The following IL34 variants were observed in gnomAD, a reference collection of about 807,000 sequenced individuals.
IL34 encodes the protein interleukin-34.
A neutral mutation model predicts 25.3 loss-of-function variants in IL34; 17 were observed. The ratio of observed to expected loss-of-function variants is 0.67; its 90% CI spans 0.46 to 1.01. IL34 has a LOEUF of 1.01. Among genes scored for constraint, IL34 ranks in the 50% least tolerant of loss-of-function variants. IL34 has a pLI of 0.00. For synonymous variants in IL34, 174 were observed against 140.9 expected, an observed-to-expected ratio of 1.23 and a Z score of -1.66; for missense variants, 368 against 312.9, an observed-to-expected ratio of 1.18 and a Z score of -1.33.
At chr16:70,656,316 C>T (rs142311129) in intron 2 of IL34, among the ~76,000 whole-genome samples, 1,551 of 152,192 alleles carry the variant, frequency 0.01, 34 homozygotes, top group African/African-American at 0.036. Flanking sequence ...GCCCGGGATT[C>T]AAGACCAGCC....
chr16:70,592,978 A>C lies in IL34; in HGVS notation c.-401+12929A>C, dbSNP rs150694596. Among the ~76,000 whole-genome samples, 14 of 152,124 alleles carry C rather than the reference A, an allele frequency of 9.2e-5. No individual in the cohort carries two copies. In the East Asian group the frequency reaches 2.7e-3, roughly 29 times the overall value. On this transcript the variant is annotated intron_variant, in intron 1 of 6. Coordinates refer to the IL34 transcript ENST00000429149. Reference sequence around the variant, plus strand: ...TATTTTTTAAATTTTTCTTAAAAACACAGTTTTATTCTTTTTCTTTTTTTA... The same window carrying C: ...TATTTTTTAAATTTTTCTTAAAAACCCAGTTTTATTCTTTTTCTTTTTTTA...
At chr16:70,658,801 T>C (rs1597783848) in intron 4 of IL34, among the ~76,000 whole-genome samples, 1 of 152,300 alleles carries the variant, frequency 6.6e-6, no homozygotes, top group East Asian at 1.9e-4. Flanking sequence ...TCTGCCCTGT[T>C]TCCATGTCTG....
At chr16:70,659,801 C>G (rs552168262) in intron 5 of IL34, 48 bp downstream of exon 5, 2 of 1,568,618 alleles carry the variant, frequency 1.3e-6, no homozygotes, top group Non-Finnish European at 1.7e-6. Flanking sequence ...GGCCAGGCAT[C>G]TGGGCCCACC....
intron 1 of IL34, among the ~76,000 whole-genome samples, chr16:70,652,439 G>A (rs2052104224): frequency 6.6e-6 from 1 of 152,310 alleles, no homozygotes; most frequent in African/African-American, 2.4e-5. Context: ...CTGCCTGGGC[G>A]ACAGAGCAAG....
chr16:70,628,497 T>TTTA lies in IL34; in HGVS notation c.-400-18049_-400-18048insATT, dbSNP rs57128087. Among the ~76,000 whole-genome samples the TTTA allele has an allele frequency of 4.1e-3, 614 of 149,430 alleles. 3 individuals carry two copies. Among genetic ancestry groups the TTTA allele is most frequent in the African/African-American group, 0.011 (426 of 39,942 alleles). ...TATTTATTTATTTATTTATTTATTTTTTTTTTTGAGACAGAGTCTTGCTCT... is the reference window on the plus strand; with the variant it reads ...TATTTATTTATTTATTTATTTATTTTTTATTTTTTTGAGACAGAGTCTTGCTCT... On this transcript the variant is annotated intron_variant, in intron 1 of 6. Coordinates refer to the IL34 transcript ENST00000429149.
At chr16:70,590,137 A>G (rs1025237924) in intron 1 of IL34, among the ~76,000 whole-genome samples, 4 of 152,190 alleles carry the variant, frequency 2.6e-5, no homozygotes, top group Non-Finnish European at 5.9e-5. Flanking sequence ...TCCATTCAGC[A>G]GAAGCTGCTC....
At chr16:70,642,909 G>T (rs1248313394), upstream of IL34, among the ~76,000 whole-genome samples, 2 of 152,128 alleles carry the variant, frequency 1.3e-5, no homozygotes, top group African/African-American at 4.8e-5. Context: ...GGCTGCCAGG[G>T]GCTGGGAGGA....
In IL34 at chr16:70,646,778, C is replaced by A; in HGVS notation, c.-170C>A. 1.7e-6 allele frequency: 1 copy of A among 585,720 alleles called. No homozygotes were observed. The highest frequency in any genetic ancestry group is 2.8e-6 in the Non-Finnish European group (1 of 352,826). The allele number at this position is 585,720 out of a possible 1,614,324, so 36.3% of individuals were successfully genotyped here. A position where few individuals can be genotyped will look rare whatever the true frequency, so the allele number is the denominator to read the frequency against. ...CCGGGCAGATAAGGGCAGCTGCTGC[C>A]CTTGGGGCACCTGCTCACTCCCGCA... On this transcript the variant is annotated 5_prime_UTR_variant, in exon 1 of 6. Transcript: ENST00000288098.
chr16:70,583,927 C>T (rs143861649), intron 1 of IL34, among the ~76,000 whole-genome samples: 10 of 152,278 alleles, frequency 6.6e-5, no homozygotes, highest in South Asian at 2.1e-4. Flanking sequence ...GCTGGGATTA[C>T]GAGCGTGAAC....
At chr16:70,638,805 C>T (rs1181900691) in intron 1 of IL34, among the ~76,000 whole-genome samples, 1 of 152,140 alleles carries the variant, frequency 6.6e-6, no homozygotes, top group Non-Finnish European at 1.5e-5. Context: ...TGGTCTCATA[C>T]TCCTGGGCTC....
At chr16:70,590,412 C>T (rs2050739222) in intron 1 of IL34, among the ~76,000 whole-genome samples, 1 of 152,156 alleles carries the variant, frequency 6.6e-6, no homozygotes, top group African/African-American at 2.4e-5. Context: ...TAAGGAGGTG[C>T]CTGTGCGAGG....
rs535470076 is a variant in IL34, at chr16:70,622,767, T to G, written c.-400-23781T>G. Among the ~76,000 whole-genome samples, 175 of 151,324 alleles carry G rather than the reference T, an allele frequency of 1.2e-3. 2 individuals carry two copies. Among genetic ancestry groups the G allele is most frequent in the Non-Finnish European group, 1.3e-3 (85 of 67,854 alleles). Reference sequence around the variant, plus strand: ...GAGCCGGGGAGCAGAAAGTATATGCTTCAGGTATGAGGAAGAAAATAGATT... The same window carrying G: ...GAGCCGGGGAGCAGAAAGTATATGCGTCAGGTATGAGGAAGAAAATAGATT... On this transcript the variant is annotated intron_variant, in intron 1 of 6. Transcript: ENST00000429149.
At chr16:70,645,900 A>G (rs1455397735), upstream of IL34, among the ~76,000 whole-genome samples, 3 of 152,012 alleles carry the variant, frequency 2.0e-5, no homozygotes, top group African/African-American at 7.3e-5. Flanking sequence ...TAAAAATACA[A>G]AAATTAGCCA....
In IL34 at chr16:70,601,299, G is replaced by T. The variant is rs116742567; in HGVS notation, c.-401+21250G>T. Reference sequence around the variant, plus strand: ...AATAAAAAAAAATTGTAGAGACAGGGTCTTGCTATGTTTCACAGGCTGTTC... The same window carrying T: ...AATAAAAAAAAATTGTAGAGACAGGTTCTTGCTATGTTTCACAGGCTGTTC... On this transcript the variant is annotated intron_variant, in intron 1 of 6. Transcript: ENST00000429149. Among the ~76,000 whole-genome samples the T allele has an allele frequency of 6.1e-3, 936 of 152,232 alleles. 14 individuals carry two copies. Among genetic ancestry groups the T allele is most frequent in the African/African-American group, 0.021 (883 of 41,524 alleles).
At chr16:70,649,476 C>T (rs1176157911) in intron 1 of IL34, among the ~76,000 whole-genome samples, 3 of 152,160 alleles carry the variant, frequency 2.0e-5, no homozygotes, top group Admixed American at 1.3e-4. Context: ...GCTGCTTCTG[C>T]CCCGTCCACC....
intron 1 of IL34, among the ~76,000 whole-genome samples, chr16:70,633,050 G>C (rs573604979): frequency 6.6e-6 from 1 of 151,992 alleles, no homozygotes; most frequent in Non-Finnish European, 1.5e-5. Flanking sequence ...CTGCAGCCTC[G>C]ACCTCCTGGG....
intron 1 of IL34, among the ~76,000 whole-genome samples, chr16:70,629,931 A>G (rs1476711962): frequency 1.3e-5 from 2 of 151,962 alleles, no homozygotes; most frequent in Non-Finnish European, 2.9e-5. Context: ...CTGTTGTGTT[A>G]TCAAATACTA....
intron 1 of IL34, among the ~76,000 whole-genome samples, chr16:70,618,717 GT>G (rs2151834341): frequency 6.6e-6 from 1 of 152,280 alleles, no homozygotes; most frequent in South Asian, 2.1e-4. Context: ...AGGTGCTGGG[GT>G]TTGAGAGATC....
Position 70,660,184 on chromosome 16 carries a change from C to G in IL34, c.726C>G (p.Pro242=), listed in dbSNP as rs570123541. 6.3e-5 allele frequency: 99 copies of G among 1,574,086 alleles called. 1 individual carries two copies. In the South Asian group the frequency reaches 9.7e-4, roughly 15 times the overall value. ...GGGCACAGGGCGAGGGCCTCTTGCC[C>G]TGAGCACCCTGGATGGTGACTGCGG... ...PVRAQGEGLL[P] The change falls in exon 6 of 6, where the codon CCC becomes CCG. Residue 242 remains proline, a synonymous_variant. Transcript: ENST00000288098.
Sources: gnomAD v4.1 joint callset for allele counts (sites outside exome capture counted in the v4.1 genomes callset) on GRCh38, gnomAD v4.1.1 for gene constraint, MANE v1.5 for transcripts, NCBI Gene and HGNC (gene_info 2026-07-23, HGNC 2026-07-21) for gene names.